Variants in C8orf34 observed in about 807,000 individuals in gnomAD.
C8orf34 encodes the protein chromosome 8 open reading frame 34.
Under a neutral mutation model 68.3 loss-of-function variants are expected in C8orf34, and 65 were observed. That is an observed-to-expected ratio of 0.95 (90% CI 0.78 to 1.17). The LOEUF (loss-of-function observed/expected upper bound fraction) is 1.17, where lower values mean the gene tolerates loss of function less well. Among genes scored for constraint, C8orf34 ranks in the 50% most tolerant of loss-of-function variants. C8orf34 has a pLI of 0.00. For missense variants in C8orf34, 664 were observed against 655.4 expected, an observed-to-expected ratio of 1.01 and a Z score of -0.14; for synonymous variants, 244 against 241.2, an observed-to-expected ratio of 1.01 and a Z score of -0.11.
At chr8:68,793,024 T>A (rs1172847104) in intron 12 of C8orf34, among the ~76,000 whole-genome samples, 1 of 151,936 alleles carries the variant, frequency 6.6e-6, no homozygotes, top group Admixed American at 6.6e-5. Flanking sequence ...TATAGTACAA[T>A]CTCCACAAGA....
intron 1 of C8orf34, among the ~76,000 whole-genome samples, chr8:68,362,028 G>A (rs1192974701): frequency 6.6e-6 from 1 of 152,150 alleles, no homozygotes; most frequent in African/African-American, 2.4e-5. Flanking sequence ...TTTTTTATTT[G>A]TAACGTAAGA....
At chr8:68,372,293 C>T (rs946319745) in intron 1 of C8orf34, among the ~76,000 whole-genome samples, 4 of 152,144 alleles carry the variant, frequency 2.6e-5, no homozygotes, top group African/African-American at 9.7e-5. Context: ...ACTGGGATAA[C>T]ATGAGGTTAT....
chr8:68,360,880 G>C (rs1353342572), intron 1 of C8orf34, among the ~76,000 whole-genome samples: 1 of 150,842 alleles, frequency 6.6e-6, no homozygotes, highest in African/African-American at 2.4e-5. Context: ...AGCCTCCCGA[G>C]TAGCTGGCAT....
intron 1 of C8orf34, among the ~76,000 whole-genome samples, chr8:68,350,298 G>T (rs1280929668): frequency 6.6e-6 from 1 of 151,572 alleles, no homozygotes; most frequent in African/African-American, 2.4e-5. Flanking sequence ...CATAGAGTGT[G>T]TTTGGTATGA....
intron 13 of C8orf34, among the ~76,000 whole-genome samples, chr8:68,816,598 G>A (rs1824826715): frequency 6.6e-6 from 1 of 152,032 alleles, no homozygotes; most frequent in African/African-American, 2.4e-5. Flanking sequence ...TGGTCACCCA[G>A]ACTCTACATA....
At chr8:68,722,937 T>G (rs1231782959) in intron 10 of C8orf34, among the ~76,000 whole-genome samples, 1 of 152,104 alleles carries the variant, frequency 6.6e-6, no homozygotes, top group Non-Finnish European at 1.5e-5. Flanking sequence ...ATTTCCCATC[T>G]CTTACCTTGG....
chr8:68,672,577 C>A (rs1314017589), intron 8 of C8orf34, among the ~76,000 whole-genome samples: 1 of 152,162 alleles, frequency 6.6e-6, no homozygotes. Flanking sequence ...TTTAGACCAG[C>A]CCTAGCTAGA....
chr8:68,344,376 A>G (rs1233157714), intron 1 of C8orf34, among the ~76,000 whole-genome samples: 1 of 152,164 alleles, frequency 6.6e-6, no homozygotes, highest in Non-Finnish European at 1.5e-5. Context: ...TTTATTTGTG[A>G]TTTCTGGGTG....
intron 7 of C8orf34, among the ~76,000 whole-genome samples, chr8:68,601,000 G>A (rs1301322212): frequency 6.6e-6 from 1 of 152,080 alleles, no homozygotes; most frequent in Non-Finnish European, 1.5e-5. Flanking sequence ...CCACATATAA[G>A]TGAAAACATG....
chr8:68,638,670 A>G (rs1275533469), intron 7 of C8orf34, among the ~76,000 whole-genome samples: 1 of 151,770 alleles, frequency 6.6e-6, no homozygotes, highest in African/African-American at 2.4e-5. Flanking sequence ...ATATATATTT[A>G]CTCTGAGGTC....
intron 8 of C8orf34, among the ~76,000 whole-genome samples, chr8:68,703,236 T>C (rs1821070680): frequency 6.6e-6 from 1 of 152,174 alleles, no homozygotes; most frequent in South Asian, 2.1e-4. Context: ...CATTGCCTCA[T>C]TCACTGTTAA....
chr8:68,800,860 G>A (rs1440788803), intron 12 of C8orf34, among the ~76,000 whole-genome samples: 3 of 152,090 alleles, frequency 2.0e-5, no homozygotes, highest in East Asian at 1.9e-4. Flanking sequence ...TACGTTCTTC[G>A]GCTTTTCTTT....
intron 1 of C8orf34, among the ~76,000 whole-genome samples, chr8:68,395,258 A>G (rs1563402881): frequency 2.6e-5 from 4 of 151,608 alleles, no homozygotes; most frequent in Admixed American, 6.6e-5. Context: ...TTTCCTGGAC[A>G]TATAACTATT....
intron 7 of C8orf34, among the ~76,000 whole-genome samples, chr8:68,574,471 T>A (rs1816846156): frequency 6.6e-6 from 1 of 152,104 alleles, no homozygotes; most frequent in Admixed American, 6.6e-5. Flanking sequence ...GTTCCCATTT[T>A]TAAAAATTTA....
chr8:68,436,024 A>G (rs1275928994), intron 1 of C8orf34, among the ~76,000 whole-genome samples: 1 of 152,192 alleles, frequency 6.6e-6, no homozygotes. Flanking sequence ...CCTGGCCAAC[A>G]TGGAAAACCC....
chr8:68,358,478 A>G (rs1239047866), intron 1 of C8orf34, among the ~76,000 whole-genome samples: 4 of 150,964 alleles, frequency 2.6e-5, no homozygotes, highest in Admixed American at 2.0e-4. Context: ...CCTTCATGCC[A>G]CAATAGTTTA....
chr8:68,676,407 G>A (rs1417104336), intron 8 of C8orf34, among the ~76,000 whole-genome samples: 1 of 151,950 alleles, frequency 6.6e-6, no homozygotes, highest in Non-Finnish European at 1.5e-5. Flanking sequence ...TAAATAAAGG[G>A]ATAGACCCCA....
intron 10 of C8orf34, among the ~76,000 whole-genome samples, chr8:68,764,845 A>C (rs1823124073): frequency 1.3e-5 from 2 of 152,158 alleles, no homozygotes. Flanking sequence ...TTATTAATCA[A>C]TCTTCCATTC....
intron 1 of C8orf34, among the ~76,000 whole-genome samples, chr8:68,391,623 A>G (rs1184750100): frequency 6.6e-6 from 1 of 152,202 alleles, no homozygotes; most frequent in Non-Finnish European, 1.5e-5. Flanking sequence ...CCAGCAAGAT[A>G]CTGTCACATT....
Sources: gnomAD v4.1 joint callset for allele counts (sites outside exome capture counted in the v4.1 genomes callset) on GRCh38, gnomAD v4.1.1 for gene constraint, MANE v1.5 for transcripts, NCBI Gene and HGNC (gene_info 2026-07-23, HGNC 2026-07-21) for gene names.